The following ADGRL2 variants were observed in gnomAD, a reference collection of about 807,000 sequenced individuals.
ADGRL2 encodes adhesion G protein-coupled receptor L2.
Under a neutral mutation model 157.4 loss-of-function variants are expected in ADGRL2, and 44 were observed. The ratio of observed to expected loss-of-function variants is 0.28; its 90% CI spans 0.22 to 0.36. The LOEUF is 0.36. Among genes scored for constraint, ADGRL2 ranks in the 10% least tolerant of loss-of-function variants. ADGRL2 has a pLI of 1.00. For synonymous variants in ADGRL2, 585 were observed against 624.7 expected, an observed-to-expected ratio of 0.94 and a Z score of 0.95; for missense variants, 1,510 against 1,768.9, an observed-to-expected ratio of 0.85 and a Z score of 2.63.
intron 2 of ADGRL2, among the ~76,000 whole-genome samples, chr1:81,846,802 A>C (rs2092808337): frequency 6.6e-6 from 1 of 151,972 alleles, no homozygotes; most frequent in Admixed American, 6.6e-5. Context: ...TACAAGTCAG[A>C]GACTTCCTTA....
chr1:81,357,563 T>C (rs1239778307), intron 1 of ADGRL2, among the ~76,000 whole-genome samples: 1 of 152,190 alleles, frequency 6.6e-6, no homozygotes, highest in African/African-American at 2.4e-5. Flanking sequence ...ATTAAACAGT[T>C]AAAAAAATCT....
chr1:81,539,503 C>G lies in ADGRL2; in HGVS notation c.-247-41373C>G, dbSNP rs528243053. On this transcript the variant is annotated intron_variant, in intron 2 of 24. Transcript: ENST00000370721. ...TAATATCTATATCACTGCCCCCGAT[C>G]GCCTGATGCTGCACATTCTAGTCTT... is the stretch of plus-strand genomic sequence containing the variant. Among the ~76,000 whole-genome samples the G allele has an allele frequency of 1.7e-3, 263 of 152,284 alleles. 1 individual carries two copies. Among genetic ancestry groups the G allele is most frequent in the Non-Finnish European group, 2.9e-3 (199 of 68,030 alleles).
chr1:81,754,434 C>T (rs2085600636), intron 1 of ADGRL2, among the ~76,000 whole-genome samples: 1 of 144,190 alleles, frequency 6.9e-6, no homozygotes, highest in Non-Finnish European at 1.5e-5. Flanking sequence ...ATTTTCTCCT[C>T]CTCCTTCTCC....
chr1:81,639,987 G>A (rs184653498), intron 3 of ADGRL2, among the ~76,000 whole-genome samples: 78 of 152,192 alleles, frequency 5.1e-4, no homozygotes, highest in Admixed American at 1.4e-3. Context: ...TAGACTCCTC[G>A]TCTGGTCATT....
rs184548612 is a variant in ADGRL2 at position 81,395,705 on chromosome 1, G to A, written c.-301-49331G>A. Among the ~76,000 whole-genome samples, 272 of 152,208 alleles carry A rather than the reference G, an allele frequency of 1.8e-3. 1 individual carries two copies. The highest frequency in any genetic ancestry group is 6.2e-3 in the African/African-American group (259 of 41,538). On this transcript the variant is annotated intron_variant, in intron 1 of 24. Transcript: ENST00000370721. ...TACATTTAAATATTTAACCCATTTT[G>A]AGTCAGCTTTTGTATACAGTGAAGG...
chr1:81,624,714 A>G (rs2081873197), intron 3 of ADGRL2, among the ~76,000 whole-genome samples: 2 of 152,238 alleles, frequency 1.3e-5, no homozygotes, highest in African/African-American at 4.8e-5. Context: ...CAAGCCATAA[A>G]GAAAATAGGC....
At chr1:81,313,766 A>C (rs1278170488) in intron 1 of ADGRL2, among the ~76,000 whole-genome samples, 2 of 152,190 alleles carry the variant, frequency 1.3e-5, no homozygotes, top group East Asian at 3.9e-4. Flanking sequence ...AGGGTATTTC[A>C]CAGCTTGTAG....
chr1:81,824,045 G>A (rs1437336071), intron 1 of ADGRL2, among the ~76,000 whole-genome samples: 3 of 151,964 alleles, frequency 2.0e-5, no homozygotes, highest in Admixed American at 6.6e-5. Context: ...AGTGATAAGC[G>A]AAAGTCATGG....
At chr1:81,412,659 GTTGGAT>G (rs2076966796) in intron 1 of ADGRL2, among the ~76,000 whole-genome samples, 1 of 152,156 alleles carries the variant, frequency 6.6e-6, no homozygotes, top group South Asian at 2.1e-4. Flanking sequence ...CCTAAAACAC[GTTGGAT>G]TTACAAGAGG....
intron 2 of ADGRL2, among the ~76,000 whole-genome samples, chr1:81,775,875 A>G (rs2086561774): frequency 6.6e-6 from 1 of 152,214 alleles, no homozygotes; most frequent in Non-Finnish European, 1.5e-5. Flanking sequence ...TATTCATTCA[A>G]CAAGTATTAT....
intron 1 of ADGRL2, among the ~76,000 whole-genome samples, chr1:81,423,957 A>T (rs546854751): frequency 2.5e-4 from 38 of 152,362 alleles, no homozygotes; most frequent in African/African-American, 8.4e-4. Context: ...CTACCAATGT[A>T]TCAGGCTTTC....
At chr1:81,854,286 G>A (rs1465251560) in intron 2 of ADGRL2, among the ~76,000 whole-genome samples, 1 of 152,124 alleles carries the variant, frequency 6.6e-6, no homozygotes, top group Non-Finnish European at 1.5e-5. Flanking sequence ...TTTGATTTAG[G>A]ATTAGGCAGT....
At chr1:81,492,510 T>C (rs1021314749) in intron 2 of ADGRL2, among the ~76,000 whole-genome samples, 3 of 152,168 alleles carry the variant, frequency 2.0e-5, no homozygotes, top group African/African-American at 4.8e-5. Flanking sequence ...AAGAAATGCT[T>C]AGATTATTGC....
chr1:81,335,772 A>T (rs1162995696), intron 1 of ADGRL2, among the ~76,000 whole-genome samples: 1 of 151,860 alleles, frequency 6.6e-6, no homozygotes, highest in Non-Finnish European at 1.5e-5. Context: ...GTTATTCTAC[A>T]CGTATTAAAT....
At chr1:81,857,742 C>T (rs898136394) in intron 2 of ADGRL2, among the ~76,000 whole-genome samples, 4 of 151,956 alleles carry the variant, frequency 2.6e-5, no homozygotes, top group East Asian at 3.9e-4. Context: ...TTAAATTTCT[C>T]GGTTCTTGAT....
At chr1:81,840,615 T>C (rs2092535876) in intron 2 of ADGRL2, among the ~76,000 whole-genome samples, 1 of 152,120 alleles carries the variant, frequency 6.6e-6, no homozygotes, top group African/African-American at 2.4e-5. Context: ...CTATTTTGAA[T>C]CAAGTCTTAC....
At chr1:81,402,272 G>T (rs2076770567) in intron 1 of ADGRL2, among the ~76,000 whole-genome samples, 1 of 152,150 alleles carries the variant, frequency 6.6e-6, no homozygotes, top group Admixed American at 6.5e-5. Context: ...ATTGAGGTCA[G>T]GAGGGAATAT....
intron 1 of ADGRL2, among the ~76,000 whole-genome samples, chr1:81,420,838 AG>A (rs1273397999): frequency 5.9e-5 from 9 of 152,172 alleles, no homozygotes; most frequent in African/African-American, 1.9e-4. Flanking sequence ...GTTTGAACTC[AG>A]GGTTATGAAA....
At chr1:81,763,122 A>C (rs2085956310) in intron 2 of ADGRL2, among the ~76,000 whole-genome samples, 1 of 151,748 alleles carries the variant, frequency 6.6e-6, no homozygotes, top group South Asian at 2.1e-4. Flanking sequence ...AGTTTGTCTT[A>C]ATTCTTCATT....
Sources: allele counts gnomAD v4.1 joint callset (sites outside exome capture counted in the v4.1 genomes callset), GRCh38; gene constraint gnomAD v4.1.1; transcripts MANE v1.5; gene names NCBI Gene and HGNC (gene_info 2026-07-23, HGNC 2026-07-21).